The following CACNB4 variants were observed in gnomAD, a reference collection of about 807,000 sequenced individuals.
The protein encoded by CACNB4 is voltage-dependent L-type calcium channel subunit beta-4.
A neutral mutation model predicts 71.2 loss-of-function variants in CACNB4; 32 were observed. That is an observed-to-expected ratio of 0.45 (90% CI 0.34 to 0.60). CACNB4 has a LOEUF of 0.60. Among genes scored for constraint, CACNB4 ranks in the 20% least tolerant of loss-of-function variants. The pLI, the probability that CACNB4 is intolerant of heterozygous loss-of-function variation, is 0.01. For synonymous variants in CACNB4, 231 were observed against 236.9 expected (o/e 0.97, Z 0.23); for missense variants, 464 against 647.9 (o/e 0.72, Z 3.08).
At chr2:152,001,631 T>G in intron 2 of CACNB4, among the ~76,000 whole-genome samples, 1 of 148,756 alleles carries the variant, frequency 6.7e-6, no homozygotes, top group Non-Finnish European at 1.5e-5. Context: ...GAGAATCGCT[T>G]GAACCTGGGA....
intron 13 of CACNB4, chr2:151,841,612 A>C (rs960823219): frequency 2.2e-5 from 7 of 323,362 alleles, no homozygotes; most frequent in Non-Finnish European, 4.0e-5. Flanking sequence ...GGGCAGGTGC[A>C]TTGAGTAGGC....
At chr2:151,946,226 G>C (rs2099865563) in intron 2 of CACNB4, among the ~76,000 whole-genome samples, 2 of 152,096 alleles carry the variant, frequency 1.3e-5, no homozygotes, top group Admixed American at 6.5e-5. Flanking sequence ...CCACTCAGAA[G>C]GCTGAGGCAG....
At chr2:151,928,750 C>A (rs2099860890) in intron 2 of CACNB4, among the ~76,000 whole-genome samples, 1 of 151,924 alleles carries the variant, frequency 6.6e-6, no homozygotes, top group African/African-American at 2.4e-5. Context: ...CATGGTGAAA[C>A]CCTGTCTCTA....
chr2:151,902,180 C>T (rs888480128), intron 2 of CACNB4, among the ~76,000 whole-genome samples: 1 of 152,050 alleles, frequency 6.6e-6, no homozygotes, highest in African/African-American at 2.4e-5. Flanking sequence ...CACAGGCGCA[C>T]GCCACCATGT....
intron 2 of CACNB4, among the ~76,000 whole-genome samples, chr2:152,043,909 T>TA (rs1427836188): frequency 3.9e-5 from 6 of 152,054 alleles, no homozygotes; most frequent in South Asian, 2.1e-4. Flanking sequence ...TTCAGTTAAT[T>TA]AAAAAAACCA....
At chr2:151,841,009 C>T (rs1417384917) in intron 13 of CACNB4, among the ~76,000 whole-genome samples, 1 of 152,206 alleles carries the variant, frequency 6.6e-6, no homozygotes. Flanking sequence ...GGGAGAACCT[C>T]TTGATCCTGT....
At chr2:151,887,162 A>G (rs1015440933) in intron 2 of CACNB4, among the ~76,000 whole-genome samples, 4 of 152,266 alleles carry the variant, frequency 2.6e-5, no homozygotes, top group African/African-American at 7.2e-5. Context: ...GGCCTGGCCA[A>G]AGCTGAAAAG....
intron 2 of CACNB4, among the ~76,000 whole-genome samples, chr2:151,983,912 T>C (rs1233699312): frequency 2.0e-5 from 3 of 152,294 alleles, no homozygotes; most frequent in South Asian, 2.1e-4. Flanking sequence ...CCTGACCCTC[T>C]GGTCTTGTGT....
chr2:152,095,598 C>T (rs1415889839), intron 2 of CACNB4, among the ~76,000 whole-genome samples: 2 of 152,096 alleles, frequency 1.3e-5, no homozygotes, highest in Non-Finnish European at 2.9e-5. Context: ...TCCAATGTAT[C>T]AAGAATTCAA....
intron 2 of CACNB4, among the ~76,000 whole-genome samples, chr2:151,999,762 A>T (rs1682293642): frequency 6.6e-6 from 1 of 152,086 alleles, no homozygotes; most frequent in Admixed American, 6.5e-5. Context: ...TTACTAACCC[A>T]ACTCCAGGAC....
chr2:151,940,417 G>A (rs2151629569), intron 2 of CACNB4, among the ~76,000 whole-genome samples: 1 of 152,324 alleles, frequency 6.6e-6, no homozygotes, highest in South Asian at 2.1e-4. Flanking sequence ...AGGGTTAAGT[G>A]TTGAGGAAAT....
intron 4 of CACNB4, 130 bp downstream of exon 4, chr2:151,880,670 G>T: frequency 1.1e-6 from 1 of 878,468 alleles, no homozygotes; most frequent in Non-Finnish European, 1.8e-6. Flanking sequence ...AGATTTGGGA[G>T]GCTCAGCAAA....
intron 2 of CACNB4, chr2:152,048,384 CAT>C (rs751731360): frequency 2.0e-5 from 3 of 152,268 alleles, no homozygotes; most frequent in Non-Finnish European, 4.4e-5. Flanking sequence ...TTCCAGATAA[CAT>C]GTGTTACATC....
intron 12 of CACNB4, chr2:151,853,173 T>C (rs779477724): frequency 1.5e-5 from 5 of 326,824 alleles, no homozygotes; most frequent in Non-Finnish European, 2.2e-5. Context: ...GAATGCTAAG[T>C]GGTTTGCTGC....
rs1246145602 is a variant in CACNB4 at position 151,870,880 on chromosome 2, A to T, written c.599-19T>A. The T allele has an allele frequency of 1.3e-6, 2 of 1,584,008 alleles. No individual in the cohort carries two copies. On this transcript the variant is annotated intron_variant, in intron 6 of 13. Coordinates refer to ENST00000539935, the MANE Select transcript of CACNB4 (RefSeq NM_000726.5). ...TGTTTTGCTAAAAGACAATAACGAG[A>T]GCCATATCAAAATATGTAAACTCTG...
chr2:151,876,291 C>G, intron 5 of CACNB4, 135 bp downstream of exon 5: 1 of 631,574 alleles, frequency 1.6e-6, no homozygotes, highest in Admixed American at 3.4e-5. Flanking sequence ...AGAGAACTAT[C>G]TGAAACTCTT....
At chr2:152,086,829 T>A (rs1250970701) in intron 2 of CACNB4, among the ~76,000 whole-genome samples, 1 of 152,194 alleles carries the variant, frequency 6.6e-6, no homozygotes, top group African/African-American at 2.4e-5. Flanking sequence ...TTGATTTCCA[T>A]GCAGGTTAAA....
At chr2:151,971,790 C>T (rs1437013538) in intron 2 of CACNB4, 3 of 584,132 alleles carry the variant, frequency 5.1e-6, no homozygotes, top group South Asian at 2.0e-5. Context: ...TTATGTGACA[C>T]GGTTTCAATC....
chr2:152,017,842 TC>T (rs1683431222), intron 2 of CACNB4, among the ~76,000 whole-genome samples: 1 of 152,050 alleles, frequency 6.6e-6, no homozygotes, highest in Non-Finnish European at 1.5e-5. Context: ...ACAATTCTTT[TC>T]TTTTTTTTTT....
Sources: allele counts gnomAD v4.1 joint callset (sites outside exome capture counted in the v4.1 genomes callset), GRCh38; gene constraint gnomAD v4.1.1; transcripts MANE v1.5; gene names NCBI Gene and HGNC (gene_info 2026-07-23, HGNC 2026-07-21).